Variants in PTPRG observed in about 807,000 individuals in gnomAD.
PTPRG encodes receptor-type tyrosine-protein phosphatase gamma.
A neutral mutation model predicts 165.3 loss-of-function variants in PTPRG; 102 were observed. The observed-to-expected ratio is 0.62, with a 90% CI of 0.53 to 0.73. The LOEUF is 0.73. Ranked by LOEUF, PTPRG falls within the 30% of genes least tolerant of loss-of-function variation. The pLI, the probability that PTPRG is intolerant of heterozygous loss-of-function variation, is 0.00. For missense variants in PTPRG, 1,866 were observed against 1,861.4 expected (o/e 1.00, Z -0.05); for synonymous variants, 675 against 669.5 (o/e 1.01, Z -0.13).
chr3:61,849,785 G>A (rs189346183), intron 2 of PTPRG, among the ~76,000 whole-genome samples: 1 of 152,224 alleles, frequency 6.6e-6, no homozygotes, highest in Non-Finnish European at 1.5e-5. Context: ...CGGAAGGACT[G>A]GGGTGCTTAA....
intron 2 of PTPRG, among the ~76,000 whole-genome samples, chr3:61,967,975 GTCC>G (rs898619948): frequency 2.6e-5 from 4 of 152,044 alleles, no homozygotes; most frequent in Non-Finnish European, 1.5e-5. Flanking sequence ...CAAAATTTTG[GTCC>G]TCTGGCGGGG....
chr3:62,248,542 A>C (rs1305799192), intron 15 of PTPRG, among the ~76,000 whole-genome samples: 1 of 152,186 alleles, frequency 6.6e-6, no homozygotes, highest in East Asian at 1.9e-4. Context: ...ACTTATAAAA[A>C]TCTAGTGACT....
intron 14 of PTPRG, 74 bp from the exon 15 acceptor site, chr3:62,243,733 A>C (rs1701218420): frequency 1.1e-6 from 1 of 947,610 alleles, no homozygotes; most frequent in African/African-American, 1.7e-5. Context: ...AGATCTATAA[A>C]ATAAGAATTA....
At chr3:62,119,601 T>A (rs1388917132) in intron 5 of PTPRG, among the ~76,000 whole-genome samples, 1 of 145,644 alleles carries the variant, frequency 6.9e-6, no homozygotes, top group Non-Finnish European at 1.5e-5. Flanking sequence ...TGTGATTAGA[T>A]TTTTTTTTTT....
intron 1 of PTPRG, among the ~76,000 whole-genome samples, chr3:61,682,081 A>C (rs998328038): frequency 7.0e-6 from 1 of 143,158 alleles, no homozygotes; most frequent in African/African-American, 2.6e-5. Context: ...CCTGGGAGGC[A>C]GAGGTTGCAG....
intron 2 of PTPRG, among the ~76,000 whole-genome samples, chr3:61,778,946 A>G (rs557813082): frequency 8.5e-5 from 13 of 152,098 alleles, no homozygotes; most frequent in Non-Finnish European, 1.6e-4. Flanking sequence ...ATGAGGTCTG[A>G]GAGGGAGGGA....
At position 62,074,606 on chromosome 3, in the gene PTPRG, G is replaced by T. The variant is rs1575970115; in HGVS notation, c.520-3557G>T. Among the ~76,000 whole-genome samples, 10 of 152,142 alleles carry T rather than the reference G, an allele frequency of 6.6e-5. No homozygotes were observed. The South Asian group carries it at 2.1e-3, about 32-fold the overall frequency. ...TCCTCCCACTTGGACCTCCCATAGT[G>T]CTGGGGTTACATGCATGAGCCACAT... On this transcript the variant is annotated intron_variant, in intron 4 of 29. Transcript: ENST00000474889.
In PTPRG at chr3:62,137,962, CAT is replaced by C. The variant is rs1703775567; in HGVS notation, c.682+5298_682+5299del. Among the ~76,000 whole-genome samples, 4 of 152,312 alleles carry C rather than the reference CAT, an allele frequency of 2.6e-5. No homozygotes were observed. In the East Asian group the frequency reaches 7.7e-4, roughly 29 times the overall value. On this transcript the variant is annotated intron_variant, in intron 6 of 29. Transcript: ENST00000474889. ...ATCGCTGAGTTCTTTGGCAACTTCT[CAT>C]ATAGTTGTAAGAGGATCAGCTTCAA... is the stretch of plus-strand genomic sequence containing the variant.
rs1014086833 is a variant in PTPRG at position 61,873,007 on chromosome 3, G to A, written c.191-116618G>A. Among the ~76,000 whole-genome samples, 10 of 152,196 alleles carry A rather than the reference G, an allele frequency of 6.6e-5. No homozygotes were observed. The East Asian group carries it at 1.7e-3, about 26-fold the overall frequency. The stretch of plus-strand genomic sequence containing the variant: ...CATCAGAGTGTAAGAATGAATTCGA[G>A]CTGTAAAAAATGTGATTCTTTTTCT... On this transcript the variant is annotated intron_variant, in intron 2 of 29. Transcript: ENST00000474889.
At chr3:61,888,034 T>A (rs1489729824) in intron 2 of PTPRG, among the ~76,000 whole-genome samples, 1 of 152,148 alleles carries the variant, frequency 6.6e-6, no homozygotes, top group Non-Finnish European at 1.5e-5. Context: ...CAGAAGGCGC[T>A]AAAATAGGTA....
At chr3:62,257,334 T>C (rs1458154369) in intron 16 of PTPRG, among the ~76,000 whole-genome samples, 2 of 152,116 alleles carry the variant, frequency 1.3e-5, no homozygotes, top group African/African-American at 4.8e-5. Context: ...ACAGGCTTTA[T>C]AAGAAAGGAC....
chr3:61,846,090 A>G (rs929842935), intron 2 of PTPRG, among the ~76,000 whole-genome samples: 16 of 152,208 alleles, frequency 1.1e-4, no homozygotes, highest in Non-Finnish European at 2.4e-4. Context: ...AATAGGGATA[A>G]TAATAGTAAT....
intron 8 of PTPRG, among the ~76,000 whole-genome samples, chr3:62,189,212 G>A (rs1404005637): frequency 6.6e-6 from 1 of 151,960 alleles, no homozygotes; most frequent in East Asian, 1.9e-4. Context: ...CCTTCCTTCC[G>A]TTTCTGTCGC....
chr3:61,941,785 A>T (rs948459221), intron 2 of PTPRG, among the ~76,000 whole-genome samples: 1 of 152,062 alleles, frequency 6.6e-6, no homozygotes, highest in Non-Finnish European at 1.5e-5. Context: ...CTCACACTCT[A>T]TTGGCTTATG....
intron 2 of PTPRG, among the ~76,000 whole-genome samples, chr3:61,880,947 CTTTTT>C (rs199965020): frequency 3.6e-5 from 5 of 139,308 alleles, no homozygotes; most frequent in African/African-American, 1.0e-4. Context: ...GCTATGCTGT[CTTTTT>C]TTTTTTTTTT....
At chr3:62,286,334 T>TTGTTTTCCTTTCTGCCCTAC (rs1274879676) in intron 28 of PTPRG, among the ~76,000 whole-genome samples, 5 of 152,196 alleles carry the variant, frequency 3.3e-5, no homozygotes, top group Non-Finnish European at 5.9e-5. Flanking sequence ...TTCAATTTTT[T>TTGTTTTCCTTTCTGCCCTAC]TGTTTTCCTT....
chr3:61,824,472 A>T (rs995306663), intron 2 of PTPRG, among the ~76,000 whole-genome samples: 1 of 152,236 alleles, frequency 6.6e-6, no homozygotes, highest in Non-Finnish European at 1.5e-5. Context: ...GCAGCAGGGA[A>T]AACCATAGCT....
chr3:61,565,920 AG>A (rs1171240225), intron 1 of PTPRG, among the ~76,000 whole-genome samples: 1 of 152,174 alleles, frequency 6.6e-6, no homozygotes, highest in East Asian at 1.9e-4. Flanking sequence ...TTCTCTTTAC[AG>A]GGTGTGAGAT....
At chr3:61,707,705 A>G (rs969453978) in intron 1 of PTPRG, among the ~76,000 whole-genome samples, 9 of 152,230 alleles carry the variant, frequency 5.9e-5, no homozygotes, top group African/African-American at 2.2e-4. Context: ...GAATTGACCA[A>G]ATATCTGGGC....
Sources: gnomAD v4.1 joint callset for allele counts (sites outside exome capture counted in the v4.1 genomes callset) on GRCh38, gnomAD v4.1.1 for gene constraint, MANE v1.5 for transcripts, NCBI Gene and HGNC (gene_info 2026-07-23, HGNC 2026-07-21) for gene names.